SKAP1: variants seen among roughly 807,000 people sequenced by gnomAD.
SKAP1 encodes src kinase-associated phosphoprotein 1.
A neutral mutation model predicts 58.5 loss-of-function variants in SKAP1; 44 were observed. The ratio of observed to expected loss-of-function variants is 0.75; its 90% confidence interval spans 0.59 to 0.97. The LOEUF is 0.97. SKAP1 is among the 50% of genes least tolerant of loss of function. The pLI, the probability that SKAP1 is intolerant of heterozygous loss-of-function variation, is 0.00. For synonymous variants in SKAP1, 127 were observed against 149.7 expected (o/e 0.85, Z 1.11); for missense variants, 390 against 435.2 (o/e 0.90, Z 0.92).
intron 4 of SKAP1, among the ~76,000 whole-genome samples, chr17:48,293,144 G>A (rs1407755437): frequency 6.6e-6 from 1 of 152,038 alleles, no homozygotes; most frequent in South Asian, 2.1e-4. Context: ...TAATCCTTAA[G>A]CTGTAATTTT....
intron 2 of SKAP1, among the ~76,000 whole-genome samples, chr17:48,367,123 T>C (rs1042059754): frequency 1.3e-5 from 2 of 152,224 alleles, no homozygotes; most frequent in Non-Finnish European, 2.9e-5. Flanking sequence ...GCTTCCTGGT[T>C]TCTCTTGTCA....
chr17:48,184,808 C>T lies in SKAP1; in HGVS notation c.482G>A (p.Gly161Asp). 6.2e-7 allele frequency: 1 copy of T among 1,613,958 alleles called. No homozygotes were observed. Among genetic ancestry groups the T allele is most frequent in the Non-Finnish European group, 8.5e-7 (1 of 1,179,862 alleles). Residue 161 changes from glycine (G) to aspartate (D), a missense_variant, in exon 7 of 13, where the codon GGT (glycine) becomes GAT (aspartate). By Grantham distance (94) the Gly-to-Asp change is moderately conservative (BLOSUM62 -1). Transcript: ENST00000336915. ...TCGCAGGTGGGGGGCCATCCGTACA[C>T]CGTAGCCCTTAATGAGGAAGGTCCC... ...PKGTFLIKGY[G>D]VRMAPHLRRD...
intron 1 of SKAP1, among the ~76,000 whole-genome samples, chr17:48,414,886 G>A (rs914445675): frequency 6.6e-6 from 1 of 152,118 alleles, no homozygotes; most frequent in Admixed American, 6.6e-5. Flanking sequence ...CTCTCATCTT[G>A]TACATTCACA....
chr17:48,146,848 G>A (rs913534059), intron 11 of SKAP1, among the ~76,000 whole-genome samples: 9 of 152,160 alleles, frequency 5.9e-5, no homozygotes, highest in Admixed American at 1.3e-4. Context: ...GGCTGGTCTC[G>A]AACTCCTGAC....
chr17:48,157,683 C>T (rs184581627), intron 11 of SKAP1, among the ~76,000 whole-genome samples: 7 of 150,772 alleles, frequency 4.6e-5, no homozygotes, highest in Admixed American at 1.3e-4. Context: ...CATGCACCAG[C>T]ATGCCCAGCT....
intron 4 of SKAP1, among the ~76,000 whole-genome samples, chr17:48,270,903 A>C (rs946743841): frequency 2.7e-5 from 4 of 150,018 alleles, no homozygotes; most frequent in East Asian, 2.0e-4. Flanking sequence ...TTTTTGTACA[A>C]ATGAATTTGG....
chr17:48,400,737 G>A (rs1200369495), intron 1 of SKAP1, among the ~76,000 whole-genome samples: 2 of 151,450 alleles, frequency 1.3e-5, no homozygotes, highest in Non-Finnish European at 2.9e-5. Context: ...GACAGAGCAA[G>A]ACCTTATCTC....
chr17:48,269,822 G>T (rs989166780), intron 4 of SKAP1, among the ~76,000 whole-genome samples: 1 of 152,078 alleles, frequency 6.6e-6, no homozygotes, highest in Non-Finnish European at 1.5e-5. Flanking sequence ...GGCCGGGTGC[G>T]GTGGCTCACG....
At chr17:48,309,283 T>TA (rs138105810) in intron 4 of SKAP1, among the ~76,000 whole-genome samples, 7 of 151,330 alleles carry the variant, frequency 4.6e-5, no homozygotes, top group East Asian at 1.9e-4. Flanking sequence ...TCCACTATAT[T>TA]AAAAAAAAAG....
At chr17:48,157,081 T>C (rs1267699539) in intron 11 of SKAP1, among the ~76,000 whole-genome samples, 1 of 152,206 alleles carries the variant, frequency 6.6e-6, no homozygotes, top group Non-Finnish European at 1.5e-5. Flanking sequence ...AATGTATAAA[T>C]ATAAAATTTC....
intron 4 of SKAP1, among the ~76,000 whole-genome samples, chr17:48,253,639 C>T (rs187746042): frequency 8.9e-4 from 135 of 152,240 alleles, no homozygotes; most frequent in Non-Finnish European, 3.8e-4. Context: ...CCCCACTGAA[C>T]CTGGACCCTG....
intron 12 of SKAP1, among the ~76,000 whole-genome samples, chr17:48,134,818 C>T (rs2144557398): frequency 6.6e-6 from 1 of 152,114 alleles, no homozygotes; most frequent in South Asian, 2.1e-4. Context: ...ATTCTCCTGC[C>T]TCAGCTTCCC....
At chr17:48,305,859 T>A (rs1444887780) in intron 4 of SKAP1, among the ~76,000 whole-genome samples, 3 of 152,202 alleles carry the variant, frequency 2.0e-5, no homozygotes, top group Non-Finnish European at 2.9e-5. Flanking sequence ...ATTGCCTTTT[T>A]TATTTTCAAT....
At chr17:48,440,681 G>A in the SKAP1 span, among the ~76,000 whole-genome samples, 1 of 152,208 alleles carries the variant, frequency 6.6e-6, no homozygotes, top group African/African-American at 2.4e-5. Flanking sequence ...AATGGTTAAT[G>A]TGAGGATCCT....
chr17:48,345,577 C>G (rs1444722648), intron 4 of SKAP1, among the ~76,000 whole-genome samples: 1 of 152,046 alleles, frequency 6.6e-6, no homozygotes, highest in East Asian at 1.9e-4. Flanking sequence ...CTAAAAAATC[C>G]AAAAGAATGG....
intron 4 of SKAP1, among the ~76,000 whole-genome samples, chr17:48,206,825 A>T (rs2143648268): frequency 6.6e-6 from 1 of 152,144 alleles, no homozygotes; most frequent in East Asian, 1.9e-4. Context: ...TTATTTGATT[A>T]AAAAAAATTT....
intron 4 of SKAP1, among the ~76,000 whole-genome samples, chr17:48,215,698 G>C (rs533205644): frequency 5.9e-5 from 9 of 152,102 alleles, no homozygotes; most frequent in Non-Finnish European, 1.2e-4. Context: ...CCAAGTCCAG[G>C]CTCGAGACCA....
chr17:48,157,487 G>A (rs188263736), intron 11 of SKAP1, among the ~76,000 whole-genome samples: 5 of 150,592 alleles, frequency 3.3e-5, no homozygotes, highest in East Asian at 3.9e-4. Flanking sequence ...TGCCCGCCTC[G>A]GCCTCCCAAA....
At position 48,394,091 on chromosome 17, in the gene SKAP1, C is replaced by T. The variant is rs1333545760; in HGVS notation, c.152+2589G>A. On this transcript the variant is annotated intron_variant, in intron 2 of 12. Coordinates refer to ENST00000336915, the MANE Select transcript of SKAP1 (RefSeq NM_003726.4). Reference sequence around the variant, plus strand: ...TCTCTACAAAAAGTAAAAAATTAGCCAGGCATGGTGATGTGCAGCTACTCA... The same window carrying T: ...TCTCTACAAAAAGTAAAAAATTAGCTAGGCATGGTGATGTGCAGCTACTCA... Among the ~76,000 whole-genome samples, 2 of 151,918 alleles carry T rather than the reference C, an allele frequency of 1.3e-5. 1 individual carries two copies. The highest frequency in any genetic ancestry group is 4.8e-5 in the African/African-American group (2 of 41,368).
Sources: allele counts gnomAD v4.1 joint callset (sites outside exome capture counted in the v4.1 genomes callset), GRCh38; gene constraint gnomAD v4.1.1; transcripts MANE v1.5; gene names NCBI Gene and HGNC (gene_info 2026-07-23, HGNC 2026-07-21).